THEM4: variants seen among roughly 807,000 people sequenced by gnomAD.
The protein encoded by THEM4 is thioesterase superfamily member 4, also known as acyl-coenzyme A thioesterase THEM4.
Under a neutral mutation model 25.0 loss-of-function variants are expected in THEM4, and 22 were observed. The observed-to-expected ratio is 0.88, with a 90% CI of 0.63 to 1.26. THEM4 has a LOEUF of 1.26. Ranked by LOEUF, THEM4 falls within the 50% of genes most tolerant of loss-of-function variation. THEM4 has a pLI of 0.00. For synonymous variants in THEM4, 113 were observed against 105.6 expected, an observed-to-expected ratio of 1.07 and a Z score of -0.43; for missense variants, 286 against 300.3, an observed-to-expected ratio of 0.95 and a Z score of 0.35.
chr1:151,883,831 T>C lies in THEM4; in HGVS notation c.557+4442A>G, dbSNP rs191668333. Reference sequence around the variant, plus strand: ...GGCTCACACCTGTAATCTCAGCACTTTGGGAGGCTGAGGTGGGTGGATCAC... The same window carrying C: ...GGCTCACACCTGTAATCTCAGCACTCTGGGAGGCTGAGGTGGGTGGATCAC... On this transcript the variant is annotated intron_variant, in intron 4 of 5. Transcript: ENST00000368814. Among the ~76,000 whole-genome samples the C allele has an allele frequency of 6.7e-3, 1,023 of 152,074 alleles. 11 individuals are homozygous for C. The highest frequency in any genetic ancestry group is 0.023 in the African/African-American group (974 of 41,464).
intron 1 of THEM4, among the ~76,000 whole-genome samples, chr1:151,895,854 T>G (rs1654210997): frequency 6.6e-6 from 1 of 152,154 alleles, no homozygotes; most frequent in Admixed American, 6.5e-5. Context: ...GTCCTCATGA[T>G]AGTGAGTTCT....
intron 4 of THEM4, among the ~76,000 whole-genome samples, chr1:151,886,440 G>A (rs1653972321): frequency 6.6e-6 from 1 of 151,998 alleles, no homozygotes; most frequent in Admixed American, 6.6e-5. Flanking sequence ...ATTTTTTTAG[G>A]AACGATGTTA....
chr1:151,891,501 C>T (rs1033806921), intron 2 of THEM4: 13 of 151,946 alleles, frequency 8.6e-5, no homozygotes, highest in African/African-American at 3.1e-4. Context: ...AGGTGGGCTA[C>T]AAAAGTTCAG....
intron 1 of THEM4, among the ~76,000 whole-genome samples, chr1:151,898,563 C>T (rs987869424): frequency 3.9e-5 from 6 of 152,254 alleles, no homozygotes; most frequent in South Asian, 4.1e-4. Context: ...CGCCCACCAC[C>T]GGTCCCTCAC....
intron 4 of THEM4, among the ~76,000 whole-genome samples, chr1:151,879,282 C>T (rs1266231023): frequency 1.3e-5 from 2 of 152,078 alleles, no homozygotes; most frequent in Non-Finnish European, 2.9e-5. Flanking sequence ...ATGGGGTTAC[C>T]CTCACTGACC....
intron 5 of THEM4, among the ~76,000 whole-genome samples, chr1:151,875,928 C>T (rs1432641222): frequency 2.6e-5 from 4 of 152,234 alleles, no homozygotes; most frequent in Non-Finnish European, 2.9e-5. Flanking sequence ...ATGCCAAGCT[C>T]TTGCCCATGC....
chr1:151,874,827 T>C lies in THEM4; in HGVS notation c.*61A>G. The C allele has an allele frequency of 1.3e-6, 2 of 1,511,712 alleles. No individual in the cohort carries two copies. The highest frequency in any genetic ancestry group is 1.8e-6 in the Non-Finnish European group (2 of 1,088,320). The allele number at this position is 1,511,712 out of a possible 1,614,324, so 93.6% of individuals were successfully genotyped here. On this transcript the variant is annotated 3_prime_UTR_variant, in exon 6 of 6. Coordinates refer to ENST00000368814, the MANE Select transcript of THEM4 (RefSeq NM_053055.5). The stretch of plus-strand genomic sequence containing the variant: ...GATTCAGCAGTGAGGGAGCAGAGTA[T>C]TTGGGGGACAACTGCTTCTTCTGGA...
chr1:151,889,545 A>G (rs1455214908), intron 2 of THEM4, 172 bp from the exon 3 acceptor site: 53 of 589,672 alleles, frequency 9.0e-5, no homozygotes, highest in Non-Finnish European at 1.2e-4. Context: ...AGAAGATAGG[A>G]TCTTTGCCCT....
chr1:151,892,230 C>G (rs1654110021), intron 2 of THEM4, among the ~76,000 whole-genome samples: 1 of 151,934 alleles, frequency 6.6e-6, no homozygotes, highest in African/African-American at 2.4e-5. Context: ...GGAATGGAAC[C>G]CTGGAAAACA....
At chr1:151,883,522 T>C (rs1397700158) in intron 4 of THEM4, among the ~76,000 whole-genome samples, 1 of 152,100 alleles carries the variant, frequency 6.6e-6, no homozygotes, top group Non-Finnish European at 1.5e-5. Flanking sequence ...GTCCCTCCCT[T>C]GACACATGGG....
intron 1 of THEM4, among the ~76,000 whole-genome samples, chr1:151,901,750 G>A (rs567415525): frequency 1.3e-5 from 2 of 152,294 alleles, no homozygotes; most frequent in Middle Eastern, 3.4e-3. Flanking sequence ...GACCGAGGCA[G>A]GAGAACTGCC....
rs1034221003 is a variant in THEM4, at chr1:151,871,936, C to T, written c.*2952G>A. On this transcript the variant is annotated 3_prime_UTR_variant, in exon 6 of 6. Coordinates refer to ENST00000368814, the MANE Select transcript of THEM4 (RefSeq NM_053055.5). ...AATGAGCAGCGCTGGCTTATTCCTT[C>T]GGAGTCATATTTTTTAACATGTGAA... 6.6e-6 allele frequency among the ~76,000 whole-genome samples: 1 copy of T among 152,182 alleles called. No individual in the cohort carries two copies. Among genetic ancestry groups the T allele is most frequent in the Non-Finnish European group, 1.5e-5 (1 of 68,044 alleles).
At chr1:151,891,135 G>C (rs963844765) in intron 2 of THEM4, 4 of 152,190 alleles carry the variant, frequency 2.6e-5, no homozygotes, top group Non-Finnish European at 4.4e-5. Flanking sequence ...CAGAATCTCA[G>C]GTTCTACTTC....
At chr1:151,884,548 C>T (rs937407662) in intron 4 of THEM4, among the ~76,000 whole-genome samples, 1 of 152,170 alleles carries the variant, frequency 6.6e-6, no homozygotes, top group African/African-American at 2.4e-5. Context: ...CTGACCTTTA[C>T]CAGCATACCA....
chr1:151,876,965 C>G (rs1558187769), intron 5 of THEM4, 36 bp downstream of exon 5: 4 of 1,573,334 alleles, frequency 2.5e-6, no homozygotes, highest in South Asian at 2.4e-5. Context: ...CCCAACCCAA[C>G]TAAACCCCAA....
chr1:151,884,687 G>GTTT (rs11371460), intron 4 of THEM4, among the ~76,000 whole-genome samples: 20 of 146,532 alleles, frequency 1.4e-4, no homozygotes, highest in Non-Finnish European at 1.5e-4. Flanking sequence ...CCTTTTTTTT[G>GTTT]TTTTTTTTTT....
At chr1:151,891,562 GA>G (rs1237743750) in intron 2 of THEM4, 1 of 152,230 alleles carries the variant, frequency 6.6e-6, no homozygotes, top group Non-Finnish European at 1.5e-5. Flanking sequence ...AATGAACTCA[GA>G]AGGTCTTAAT....
chr1:151,891,862 CTG>C (rs1654101735), intron 2 of THEM4, among the ~76,000 whole-genome samples: 1 of 152,000 alleles, frequency 6.6e-6, no homozygotes, highest in African/African-American at 2.4e-5. Flanking sequence ...ATACTCAACA[CTG>C]AGGGAGAGGT....
intron 3 of THEM4, 84 bp downstream of exon 3, chr1:151,889,126 ATCTT>A: frequency 9.6e-7 from 1 of 1,044,464 alleles, no homozygotes; most frequent in South Asian, 1.9e-5. Flanking sequence ...CCATTTGAAA[ATCTT>A]TATTGTAGTC....
Sources: gnomAD v4.1 joint callset for allele counts (sites outside exome capture counted in the v4.1 genomes callset) on GRCh38, gnomAD v4.1.1 for gene constraint, MANE v1.5 for transcripts, NCBI Gene and HGNC (gene_info 2026-07-23, HGNC 2026-07-21) for gene names.